FOXO1: variants seen among roughly 807,000 people sequenced by gnomAD.
FOXO1 encodes forkhead box O1.
A neutral mutation model predicts 44.1 loss-of-function variants in FOXO1; 6 were observed. That is an observed-to-expected ratio of 0.14 (90% CI 0.07 to 0.27). The LOEUF (loss-of-function observed/expected upper bound fraction) is 0.27. Among genes scored for constraint, FOXO1 ranks in the 10% least tolerant of loss-of-function variants. FOXO1 has a pLI of 1.00. For synonymous variants in FOXO1, 380 were observed against 362.7 expected (o/e 1.05, Z -0.54); for missense variants, 737 against 888.8 (o/e 0.83, Z 2.17).
At position 40,666,521 on chromosome 13, in the gene FOXO1, C is replaced by A. The variant is rs1878264711; in HGVS notation, c.-309G>T. Reference sequence around the variant, plus strand: ...GCTGACAGGGCCGCGGACGGAAGGACGGACGGACGCCGCGGGCCGCTTGCT... The same window carrying A: ...GCTGACAGGGCCGCGGACGGAAGGAAGGACGGACGCCGCGGGCCGCTTGCT... On this transcript the variant is annotated 5_prime_UTR_variant, in exon 1 of 3. Coordinates refer to ENST00000379561, the MANE Select transcript of FOXO1 (RefSeq NM_002015.4). 3.4e-6 allele frequency: 1 copy of A among 291,430 alleles called. No homozygotes were observed. Among genetic ancestry groups the A allele is most frequent in the South Asian group, 1.6e-4 (1 of 6,210 alleles). The allele number at this position is 291,430 out of a possible 1,614,324, so 18.1% of individuals were successfully genotyped here.
chr13:40,591,765 G>A (rs990447536), intron 1 of FOXO1, among the ~76,000 whole-genome samples: 1 of 152,084 alleles, frequency 6.6e-6, no homozygotes, highest in Non-Finnish European at 1.5e-5. Context: ...GAGGTGGCTC[G>A]ATCTTGGCTC....
chr13:40,659,311 T>A (rs1351435170), intron 1 of FOXO1, among the ~76,000 whole-genome samples: 3 of 94,156 alleles, frequency 3.2e-5, no homozygotes, highest in African/African-American at 1.8e-4. Context: ...CAAGACTCCG[T>A]CTCAAAAAAA....
chr13:40,637,413 CA>C (rs1566081827), intron 1 of FOXO1, among the ~76,000 whole-genome samples: 1 of 138,222 alleles, frequency 7.2e-6, no homozygotes, highest in Non-Finnish European at 1.5e-5. Context: ...CACTGCACTC[CA>C]GCCTGGGCAA....
intron 1 of FOXO1, among the ~76,000 whole-genome samples, chr13:40,617,858 A>T (rs1876480073): frequency 6.6e-6 from 1 of 152,228 alleles, no homozygotes; most frequent in Admixed American, 6.5e-5. Flanking sequence ...AACAAATGAG[A>T]TGTATCACAC....
intron 1 of FOXO1, among the ~76,000 whole-genome samples, chr13:40,570,202 T>C (rs1186263842): frequency 6.6e-6 from 1 of 151,338 alleles, no homozygotes; most frequent in Non-Finnish European, 1.5e-5. Context: ...CCCAGCTACT[T>C]GGGAGGCTGA....
intron 1 of FOXO1, among the ~76,000 whole-genome samples, chr13:40,622,160 G>A (rs1482399002): frequency 6.6e-6 from 1 of 152,146 alleles, no homozygotes; most frequent in Non-Finnish European, 1.5e-5. Flanking sequence ...TTTTTTGAAA[G>A]TGCAAACAAT....
chr13:40,594,925 G>A (rs986063440), intron 1 of FOXO1, among the ~76,000 whole-genome samples: 4 of 152,068 alleles, frequency 2.6e-5, no homozygotes, highest in African/African-American at 4.8e-5. Context: ...GGGCTCAAGC[G>A]ACCCTCCTAC....
In FOXO1 at chr13:40,559,812, G is replaced by A. The variant is rs1186390000; in HGVS notation, c.1679C>T (p.Thr560Ile). 2 of 1,613,966 alleles carry A rather than the reference G, an allele frequency of 1.2e-6. No homozygotes were observed. The highest frequency in any genetic ancestry group is 1.3e-5 in the African/African-American group (1 of 74,932). Residue 560 changes from threonine (T) to isoleucine (I), a missense_variant, in exon 2 of 3, where the codon ACA (threonine) becomes ATA (isoleucine). This residue lies in a region of FOXO1 where 283 missense variants were observed against 278.1 expected (regional missense o/e 1.02). Coordinates refer to ENST00000379561, the MANE Select transcript of FOXO1 (RefSeq NM_002015.4). ...SGMNRLTQVKTPVQVPLPHPM... is the reference protein window; with the variant it reads ...SGMNRLTQVKIPVQVPLPHPM... Reference sequence around the variant, plus strand: ...GTGGGGCAGAGGCACTTGTACAGGTGTCTTCACTTGGGTCAGGCGGTTCAT... The same window carrying A: ...GTGGGGCAGAGGCACTTGTACAGGTATCTTCACTTGGGTCAGGCGGTTCAT...
Position 40,556,819 on chromosome 13 carries a change from C to G in FOXO1, c.*2230G>C, listed in dbSNP as rs1464640970. The G allele has an allele frequency of 6.6e-6, 1 of 152,144 alleles. No individual in the cohort carries two copies. The highest frequency in any genetic ancestry group is 1.5e-5 in the Non-Finnish European group (1 of 68,032). 9.4% of individuals were successfully genotyped at this position (152,144 alleles called of 1,614,324 possible). On this transcript the variant is annotated 3_prime_UTR_variant, in exon 3 of 3. Transcript: ENST00000379561. The stretch of plus-strand genomic sequence containing the variant: ...TGCCTCTTTAATGAACAAATGGGGG[C>G]TCTGAGGTTCCTTGTATTATGATGC...
intron 1 of FOXO1, among the ~76,000 whole-genome samples, chr13:40,622,580 C>T (rs1876652193): frequency 6.6e-6 from 1 of 152,020 alleles, no homozygotes; most frequent in African/African-American, 2.4e-5. Context: ...CTTTCCCAAG[C>T]CAAAGAAAAT....
chr13:40,619,531 T>C (rs1482540577), intron 1 of FOXO1: 3 of 1,357,382 alleles, frequency 2.2e-6, no homozygotes, highest in Non-Finnish European at 3.2e-6. Context: ...AAATAGAGGA[T>C]CTGAAATTCA....
In FOXO1 at chr13:40,560,420, A is replaced by G. The variant is rs1286021048; in HGVS notation, c.1071T>C (p.Ser357=). 6.2e-7 allele frequency: 1 copy of G among 1,614,234 alleles called. No homozygotes were observed. Among genetic ancestry groups the G allele is most frequent in the African/African-American group, 1.3e-5 (1 of 75,054 alleles). ...VYPPSAAKMA[S]TLPSLSEISN... ...TTATCTCAGACAGACTGGGTAAAGT[A>G]GAGGCCATCTTTGCGGCAGATGGCG... Residue 357 remains serine (S), a synonymous_variant, in exon 2 of 3, where the codon TCT becomes TCC. Coordinates refer to ENST00000379561, the MANE Select transcript of FOXO1 (RefSeq NM_002015.4). The surrounding 1 kb of genome is among the most constrained non-coding windows in gnomAD (Gnocchi z 5.1).
At chr13:40,654,133 C>A (rs1877775348) in intron 1 of FOXO1, among the ~76,000 whole-genome samples, 1 of 151,558 alleles carries the variant, frequency 6.6e-6, no homozygotes, top group Non-Finnish European at 1.5e-5. Flanking sequence ...ATCATTAGGA[C>A]CAGCTCTGTA....
intron 1 of FOXO1, among the ~76,000 whole-genome samples, chr13:40,654,206 G>A (rs772116898): frequency 7.9e-5 from 12 of 151,354 alleles, no homozygotes; most frequent in African/African-American, 1.9e-4. Context: ...GACCAGGCTC[G>A]GTGGCTCATG....
intron 1 of FOXO1, among the ~76,000 whole-genome samples, chr13:40,574,001 C>A (rs899819952): frequency 7.2e-5 from 11 of 152,188 alleles, no homozygotes; most frequent in African/African-American, 2.7e-4. Context: ...GAATTTTAGT[C>A]CTCATTGTTT....
At position 40,579,611 on chromosome 13, in the gene FOXO1, G is replaced by GA. The variant is rs201176045; in HGVS notation, c.631-18752dup. Among the ~76,000 whole-genome samples, 50 of 147,148 alleles carry GA rather than the reference G, an allele frequency of 3.4e-4. 1 individual carries two copies. The highest frequency in any genetic ancestry group is 6.0e-4 in the Non-Finnish European group (40 of 66,714). The stretch of plus-strand genomic sequence containing the variant: ...TTGACTGCTGAGAAGGCAGCAGAAT[G>GA]AAAAAAAAAGGGGGCGGGGGCGGTA... On this transcript the variant is annotated intron_variant, in intron 1 of 2. Coordinates refer to ENST00000379561, the MANE Select transcript of FOXO1 (RefSeq NM_002015.4).
In FOXO1 at chr13:40,560,685, C is replaced by A; in HGVS notation, c.806G>T (p.Arg269Leu). The stretch of plus-strand genomic sequence containing the variant: ...GAGAGATGCTTTCTTCTTGGCAGCT[C>A]GGCTTCGGCTCTTAGCAAATTTACT... ...NNSKFAKSRS[R>L]AAKKKASLQS... The change falls in exon 2 of 3, where the codon CGA becomes CTA. Residue 269 changes from arginine (R) to leucine (L), a missense_variant. Transcript: ENST00000379561. This position sits in a 1 kb window ranked among gnomAD's most constrained non-coding sequence, Gnocchi z 5.1. 6.2e-7 allele frequency: 1 copy of A among 1,614,180 alleles called. No individual in the cohort carries two copies. The highest frequency in any genetic ancestry group is 8.5e-7 in the Non-Finnish European group (1 of 1,180,032).
intron 1 of FOXO1, among the ~76,000 whole-genome samples, chr13:40,565,969 C>G (rs1053548584): frequency 3.3e-5 from 5 of 152,192 alleles, no homozygotes; most frequent in Non-Finnish European, 7.3e-5. Flanking sequence ...TCTCTTGACA[C>G]TAGATATTGC....
chr13:40,579,185 A>G (rs1049254776), intron 1 of FOXO1, among the ~76,000 whole-genome samples: 1 of 152,208 alleles, frequency 6.6e-6, no homozygotes, highest in Non-Finnish European at 1.5e-5. Flanking sequence ...GCCAAGGTAG[A>G]AGGAGGGGCT....
Sources: gnomAD v4.1 joint callset for allele counts (sites outside exome capture counted in the v4.1 genomes callset) on GRCh38, gnomAD v4.1.1 for gene constraint, gnomAD v4.1.1 regional missense constraint, Gnocchi (gnomAD v3.1) non-coding constraint, MANE v1.5 for transcripts, NCBI Gene and HGNC (gene_info 2026-07-23, HGNC 2026-07-21) for gene names.